Variants in EIPR1 observed in about 807,000 individuals in gnomAD.
The protein encoded by EIPR1 is EARP complex and GARP complex interacting protein 1.
A neutral mutation model predicts 48.1 loss-of-function variants in EIPR1; 25 were observed. The ratio of observed to expected loss-of-function variants is 0.52; its 90% confidence interval spans 0.38 to 0.73. EIPR1 has a LOEUF of 0.73. Ranked by LOEUF, EIPR1 falls within the 30% of genes least tolerant of loss-of-function variation. The pLI is 0.00. For missense variants in EIPR1, 415 were observed against 506.2 expected (o/e 0.82, Z 1.73); for synonymous variants, 204 against 201.9 (o/e 1.01, Z -0.09).
chr2:3,246,083 C>T (rs1175591009), intron 4 of EIPR1, among the ~76,000 whole-genome samples: 2 of 152,120 alleles, frequency 1.3e-5, no homozygotes, highest in African/African-American at 2.4e-5. Flanking sequence ...CAAAGCCAGA[C>T]CCCGTCTCAA....
chr2:3,197,030 C>T lies in EIPR1; in HGVS notation c.517-13G>A, dbSNP rs140582772. ...CTGAGCTGGCCAGCTGGGAGTGTCA[C>T]GATGTTTTCCAAAGGAAGAAGAAAA... On this transcript the variant is annotated splice_polypyrimidine_tract_variant and intron_variant, in intron 5 of 8. Transcript: ENST00000382125. The T allele has an allele frequency of 4.2e-4, 680 of 1,612,624 alleles. 3 individuals are homozygous for T. The African/African-American group carries it at 8.1e-3, about 19-fold the overall frequency.
rs1319424287 is a variant in EIPR1, at chr2:3,331,104, G to GGTGT, written c.259+6912_259+6913insACAC. 8.2e-3 allele frequency among the ~76,000 whole-genome samples: 1,088 copies of GGTGT among 133,032 alleles called. 93 individuals carry two copies. The highest frequency in any genetic ancestry group is 0.013 in the East Asian group (57 of 4,270). 87.3% of individuals were successfully genotyped at this position (133,032 alleles called of 152,430 possible). The stretch of plus-strand genomic sequence containing the variant: ...TCATGAGATGGTGTGAGCAGAGGCA[G>GGTGT]GCACACACTCCTGAGGTGGTGTGAG... On this transcript the variant is annotated intron_variant, in intron 3 of 8. Transcript: ENST00000382125.
intron 1 of EIPR1, among the ~76,000 whole-genome samples, chr2:3,376,440 C>T (rs547671307): frequency 1.1e-3 from 162 of 152,288 alleles, no homozygotes; most frequent in Non-Finnish European, 1.8e-3. Flanking sequence ...CGCCTGTAAT[C>T]CCAACACTTT....
At chr2:3,364,279 T>A (rs1007484803) in intron 1 of EIPR1, among the ~76,000 whole-genome samples, 1 of 152,078 alleles carries the variant, frequency 6.6e-6, no homozygotes, top group Non-Finnish European at 1.5e-5. Context: ...CATCAACAGA[T>A]GAATGGATAA....
At chr2:3,226,244 T>C (rs1666061394) in intron 4 of EIPR1, among the ~76,000 whole-genome samples, 1 of 152,252 alleles carries the variant, frequency 6.6e-6, no homozygotes, top group African/African-American at 2.4e-5. Flanking sequence ...ACCTTGAATA[T>C]ATAAAAGTGT....
At chr2:3,249,876 CCTGGCAACTTCCA>C (rs1234985795) in intron 4 of EIPR1, among the ~76,000 whole-genome samples, 1 of 152,180 alleles carries the variant, frequency 6.6e-6, no homozygotes, top group Non-Finnish European at 1.5e-5. Flanking sequence ...AGCTATATGC[CCTGGCAACTTCCA>C]CATGGTGCTA....
intron 3 of EIPR1, among the ~76,000 whole-genome samples, chr2:3,310,427 G>A (rs991664677): frequency 6.8e-6 from 1 of 147,894 alleles, no homozygotes. Flanking sequence ...GCCGAGGTGG[G>A]CGGATCACAA....
chr2:3,238,933 G>T lies in EIPR1; in HGVS notation c.416+18366C>A, dbSNP rs540408367. ...TGTTAAGAAGGGAGCCAGCCAGCCC[G>T]GGATGGAGAAACTCCCAGAGGCTTC... On this transcript the variant is annotated intron_variant, in intron 4 of 8. Coordinates refer to ENST00000382125, the MANE Select transcript of EIPR1 (RefSeq NM_003310.5). 3.9e-5 allele frequency among the ~76,000 whole-genome samples: 6 copies of T among 152,306 alleles called. No homozygotes were observed. In the South Asian group the frequency reaches 1.2e-3, roughly 32 times the overall value.
At chr2:3,274,147 A>G (rs2103249201) in intron 3 of EIPR1, among the ~76,000 whole-genome samples, 1 of 152,328 alleles carries the variant, frequency 6.6e-6, no homozygotes, top group East Asian at 1.9e-4. Context: ...TGTGGGAGAT[A>G]GACTGAGAGG....
intron 4 of EIPR1, among the ~76,000 whole-genome samples, chr2:3,236,013 C>T (rs1309218146): frequency 6.6e-6 from 1 of 152,062 alleles, no homozygotes; most frequent in African/African-American, 2.4e-5. Flanking sequence ...GTAAGAGCAA[C>T]ATCAACACCC....
chr2:3,306,030 T>G (rs1380115057), intron 3 of EIPR1, among the ~76,000 whole-genome samples: 1 of 152,214 alleles, frequency 6.6e-6, no homozygotes, highest in Non-Finnish European at 1.5e-5. Flanking sequence ...CCCACTACAA[T>G]GTAAAGCCAC....
intron 2 of EIPR1, among the ~76,000 whole-genome samples, chr2:3,342,360 A>G (rs772358321): frequency 5.3e-5 from 8 of 152,254 alleles, no homozygotes; most frequent in Non-Finnish European, 1.5e-5. Context: ...TTTGTTCCTC[A>G]GTATTTTTCA....
chr2:3,248,623 G>T lies in EIPR1; in HGVS notation c.416+8676C>A, dbSNP rs548063705. On this transcript the variant is annotated intron_variant, in intron 4 of 8. Coordinates refer to ENST00000382125, the MANE Select transcript of EIPR1 (RefSeq NM_003310.5). Reference sequence around the variant, plus strand: ...AAGAAAAAAAACAAAAAAACTAGCCGGGCGTGATGGTGGGCACCTGTAATC... The same window carrying T: ...AAGAAAAAAAACAAAAAAACTAGCCTGGCGTGATGGTGGGCACCTGTAATC... 2.6e-5 allele frequency among the ~76,000 whole-genome samples: 4 copies of T among 151,470 alleles called. No homozygotes were observed. In the East Asian group the frequency reaches 5.8e-4, roughly 22 times the overall value.
chr2:3,194,005 G>C lies in EIPR1; in HGVS notation c.815C>G (p.Ser272Cys), dbSNP rs1295915320. ...TEPVKTLEEH[S>C]HWVWNVRYNH... is the part of the protein sequence containing the mutation. Reference sequence around the variant, plus strand: ...CAGCCAGGAGCGGCCCTACCAGTGGGAGTGCTCCTCCAGGGTCTTCACGGG... The same window carrying C: ...CAGCCAGGAGCGGCCCTACCAGTGGCAGTGCTCCTCCAGGGTCTTCACGGG... Residue 272 changes from serine (S) to cysteine (C), a missense_variant, in exon 7 of 9, where the codon TCC becomes TGC. Ser to Cys is a moderately radical substitution (Grantham distance 112, BLOSUM62 -1). Transcript: ENST00000382125. The C allele has an allele frequency of 1.2e-6, 2 of 1,613,634 alleles. No homozygotes were observed. Among genetic ancestry groups the C allele is most frequent in the South Asian group, 1.1e-5 (1 of 91,076 alleles).
At chr2:3,269,408 AATCATCG>A (rs1667611566) in intron 3 of EIPR1, among the ~76,000 whole-genome samples, 1 of 134,740 alleles carries the variant, frequency 7.4e-6, no homozygotes, top group Non-Finnish European at 1.6e-5. Context: ...CATCGCACTC[AATCATCG>A]CACTCAATCA....
At position 3,189,675 on chromosome 2, in the gene EIPR1, T is replaced by G. The variant is rs1417315751; in HGVS notation, c.990-167A>C. On this transcript the variant is annotated intron_variant, in intron 8 of 8. Coordinates refer to ENST00000382125, the MANE Select transcript of EIPR1 (RefSeq NM_003310.5). The surrounding 1 kb of genome is among the most constrained non-coding windows in gnomAD (Gnocchi z 4.6). ...TTAGAGGAGCCCACACCGAGGACGG[T>G]GGGGTGGTCCCTGCAGAAGCCCAGA... is the stretch of plus-strand genomic sequence containing the variant. Among the ~76,000 whole-genome samples the G allele has an allele frequency of 6.6e-6, 1 of 152,148 alleles. No individual in the cohort carries two copies. The highest frequency in any genetic ancestry group is 2.4e-5 in the African/African-American group (1 of 41,444).
At chr2:3,230,151 A>AT (rs55658514) in intron 4 of EIPR1, among the ~76,000 whole-genome samples, 135,005 of 151,128 alleles carry the variant, frequency 0.89, 61,179 homozygotes, top group East Asian at 0.98. Context: ...TGAAAATTTT[A>AT]TTTTTTTTTA....
intron 4 of EIPR1, among the ~76,000 whole-genome samples, chr2:3,220,054 C>T (rs1309442971): frequency 6.6e-6 from 1 of 152,186 alleles, no homozygotes; most frequent in Non-Finnish European, 1.5e-5. Flanking sequence ...TGAGAGGGAT[C>T]TAGGCTGCAC....
chr2:3,290,366 G>C (rs1395494448), intron 3 of EIPR1, among the ~76,000 whole-genome samples: 2 of 152,224 alleles, frequency 1.3e-5, no homozygotes, highest in African/African-American at 2.4e-5. Context: ...AAAAGGAAGA[G>C]TCCTTTTTAA....
Sources: allele counts gnomAD v4.1 joint callset (sites outside exome capture counted in the v4.1 genomes callset), GRCh38; gene constraint gnomAD v4.1.1; non-coding constraint Gnocchi (gnomAD v3.1); transcripts MANE v1.5; gene names NCBI Gene and HGNC (gene_info 2026-07-23, HGNC 2026-07-21).